The following PRKG1 variants were observed in gnomAD, a reference collection of about 807,000 sequenced individuals.
The protein encoded by PRKG1 is protein kinase cGMP-dependent 1, also known as cGMP-dependent protein kinase 1.
PRKG1 carries 35 observed loss-of-function variants against 88.1 expected under a neutral mutation model. That is an observed-to-expected ratio of 0.40 (90% CI 0.30 to 0.53). The LOEUF is 0.53. Ranked by LOEUF, PRKG1 falls within the 20% of genes least tolerant of loss-of-function variation. The probability of loss-of-function intolerance (pLI) is 0.59; values close to 1 mark genes in which losing one functional copy is unlikely to be tolerated. For missense variants in PRKG1, 540 were observed against 839.8 expected, an observed-to-expected ratio of 0.64 and a Z score of 4.41; for synonymous variants, 303 against 292.5, an observed-to-expected ratio of 1.04 and a Z score of -0.37.
chr10:51,808,065 G>A (rs1839353461), intron 4 of PRKG1, among the ~76,000 whole-genome samples: 1 of 152,038 alleles, frequency 6.6e-6, no homozygotes, highest in African/African-American at 2.4e-5. Context: ...ATTAAGAGAT[G>A]GCATAATAGC....
At chr10:51,042,899 C>T (rs910450620) in intron 1 of PRKG1, among the ~76,000 whole-genome samples, 46 of 152,118 alleles carry the variant, frequency 3.0e-4, no homozygotes, top group African/African-American at 1.1e-3. Flanking sequence ...CCTTCTGCCA[C>T]GTGAAGGTGC....
At chr10:51,312,052 GT>G (rs201557576) in intron 2 of PRKG1, among the ~76,000 whole-genome samples, 4,782 of 152,140 alleles carry the variant, frequency 0.031, 122 homozygotes, top group South Asian at 0.075. Flanking sequence ...TGTATTTTTA[GT>G]TAGAGATGGG....
At position 51,253,741 on chromosome 10, in the gene PRKG1, C is replaced by G. The variant is rs58455963; in HGVS notation, c.478+100411C>G. 3.4e-3 allele frequency among the ~76,000 whole-genome samples: 511 copies of G among 152,038 alleles called. 5 individuals carry two copies. Among genetic ancestry groups the G allele is most frequent in the African/African-American group, 0.011 (441 of 41,538 alleles). On this transcript the variant is annotated intron_variant, in intron 2 of 17. Transcript: ENST00000373980. The stretch of plus-strand genomic sequence containing the variant: ...CAGCGAGGTGCAGAGGAGGCCAGAA[C>G]ATAGAAGTGCCCATCAGGATGGAAA...
At chr10:51,710,785 G>T (rs1247578541) in intron 3 of PRKG1, among the ~76,000 whole-genome samples, 2 of 152,130 alleles carry the variant, frequency 1.3e-5, no homozygotes, top group Admixed American at 6.5e-5. Flanking sequence ...TGCTAACCGG[G>T]GACAGTAGAG....
At chr10:51,449,392 C>T (rs1361325952) in intron 2 of PRKG1, among the ~76,000 whole-genome samples, 1 of 151,110 alleles carries the variant, frequency 6.6e-6, no homozygotes, top group Non-Finnish European at 1.5e-5. Context: ...GCCCTTTTGT[C>T]TTGGTCTCAC....
chr10:51,909,189 G>A (rs1842159808), intron 5 of PRKG1: 1 of 152,208 alleles, frequency 6.6e-6, no homozygotes, highest in Non-Finnish European at 1.5e-5. Flanking sequence ...AAGACTGGAA[G>A]AACAGTACAC....
At chr10:51,686,132 G>A (rs1840983713) in intron 3 of PRKG1, among the ~76,000 whole-genome samples, 1 of 152,076 alleles carries the variant, frequency 6.6e-6, no homozygotes, top group Admixed American at 6.5e-5. Flanking sequence ...GAGTAGTTTT[G>A]GGCCATTTTA....
chr10:51,400,280 A>C (rs190774735), intron 2 of PRKG1, among the ~76,000 whole-genome samples: 1 of 152,350 alleles, frequency 6.6e-6, no homozygotes, highest in Admixed American at 6.5e-5. Flanking sequence ...AATCAGCTTG[A>C]TGTAAGAGCA....
At chr10:51,806,606 C>T (rs1192107398) in intron 4 of PRKG1, among the ~76,000 whole-genome samples, 1 of 152,088 alleles carries the variant, frequency 6.6e-6, no homozygotes, top group African/African-American at 2.4e-5. Flanking sequence ...AGGACTGGGC[C>T]GGGAGTCCAG....
At chr10:51,527,741 A>G (rs556259531) in intron 3 of PRKG1, among the ~76,000 whole-genome samples, 1 of 152,360 alleles carries the variant, frequency 6.6e-6, no homozygotes, top group African/African-American at 2.4e-5. Context: ...CCTAGCAAAG[A>G]TAGCAGTAGA....
At chr10:51,872,909 T>C (rs978499438) in intron 4 of PRKG1, among the ~76,000 whole-genome samples, 3 of 152,088 alleles carry the variant, frequency 2.0e-5, no homozygotes, top group South Asian at 2.1e-4. Flanking sequence ...TATTCATTGA[T>C]TTTAGGAAAT....
chr10:52,041,407 C>T (rs1005472813), intron 5 of PRKG1, among the ~76,000 whole-genome samples: 3 of 152,084 alleles, frequency 2.0e-5, no homozygotes, highest in African/African-American at 7.2e-5. Flanking sequence ...TGCATCTATG[C>T]TCATCCAGAA....
chr10:51,053,253 TA>T (rs5784855), intron 1 of PRKG1, among the ~76,000 whole-genome samples: 1 of 148,542 alleles, frequency 6.7e-6, no homozygotes, highest in Non-Finnish European at 1.5e-5. Context: ...AAATAAAAAC[TA>T]AAAAAAAAAA....
chr10:51,442,313 T>G (rs1388037371), intron 2 of PRKG1, among the ~76,000 whole-genome samples: 2 of 151,990 alleles, frequency 1.3e-5, no homozygotes, highest in Non-Finnish European at 2.9e-5. Context: ...TTTAATTTTT[T>G]TAAAGCAAAT....
At chr10:51,287,166 T>C (rs1402633039) in intron 2 of PRKG1, among the ~76,000 whole-genome samples, 1 of 152,202 alleles carries the variant, frequency 6.6e-6, no homozygotes, top group Non-Finnish European at 1.5e-5. Flanking sequence ...TATAAGCCAC[T>C]GCGCCTGGCC....
At chr10:51,135,862 G>A (rs1458666689) in intron 1 of PRKG1, among the ~76,000 whole-genome samples, 1 of 149,988 alleles carries the variant, frequency 6.7e-6, no homozygotes, top group East Asian at 2.0e-4. Context: ...AAGTTGAGTT[G>A]ATAGATGAAG....
intron 2 of PRKG1, among the ~76,000 whole-genome samples, chr10:51,185,295 G>A (rs1837457890): frequency 6.6e-6 from 1 of 152,026 alleles, no homozygotes; most frequent in African/African-American, 2.4e-5. Context: ...TATTAAGTCT[G>A]CAATAAGTTA....
chr10:51,273,382 T>C (rs1206715534), intron 2 of PRKG1, among the ~76,000 whole-genome samples: 1 of 149,748 alleles, frequency 6.7e-6, no homozygotes, highest in Non-Finnish European at 1.5e-5. Flanking sequence ...ATTAGCTTGT[T>C]GTGGTGGCAT....
chr10:51,401,957 A>C (rs1032117651), intron 2 of PRKG1, among the ~76,000 whole-genome samples: 9 of 152,176 alleles, frequency 5.9e-5, no homozygotes, highest in African/African-American at 1.2e-4. Flanking sequence ...TCCTGCAAAA[A>C]ATGCTGCCTC....
Sources: allele counts gnomAD v4.1 joint callset (sites outside exome capture counted in the v4.1 genomes callset), GRCh38; gene constraint gnomAD v4.1.1; transcripts MANE v1.5; gene names NCBI Gene and HGNC (gene_info 2026-07-23, HGNC 2026-07-21).